Variants in PAM16 observed in about 807,000 individuals in gnomAD.
The protein encoded by PAM16 is presequence translocase associated motor 16, also known as mitochondrial import inner membrane translocase subunit TIM16.
PAM16 carries 11 observed loss-of-function variants against 17.9 expected under a neutral mutation model. The observed-to-expected ratio is 0.62, with a 90% CI of 0.39 to 1.02. The LOEUF (loss-of-function observed/expected upper bound fraction) is 1.02. Ranked by LOEUF, PAM16 falls within the 50% of genes least tolerant of loss-of-function variation. The probability of loss-of-function intolerance (pLI) is 0.01; values close to 1 mark genes in which losing one functional copy is unlikely to be tolerated. For synonymous variants in PAM16, 72 were observed against 67.4 expected (o/e 1.07, Z -0.34); for missense variants, 199 against 165.4 (o/e 1.20, Z -1.11).
chr16:4,347,074 A>G (rs1322530703), intron 1 of PAM16: 1 of 152,164 alleles, frequency 6.6e-6, no homozygotes, highest in East Asian at 1.9e-4. Flanking sequence ...CAGTGGTGCA[A>G]TCATGGCTCA....
At chr16:4,344,498 G>C in intron 1 of PAM16, among the ~76,000 whole-genome samples, 1 of 135,884 alleles carries the variant, frequency 7.4e-6, no homozygotes, top group African/African-American at 2.7e-5. Flanking sequence ...AGGGGGTTCT[G>C]TGAGAGGAGG....
chr16:4,341,007 T>A, intron 3 of PAM16, 22 bp from the exon 4 acceptor site: 1 of 1,612,482 alleles, frequency 6.2e-7, no homozygotes, highest in Non-Finnish European at 8.5e-7. Context: ...AGGGGACGGG[T>A]GAGAGGGCTG....
Position 4,343,075 on chromosome 16 carries a change from A to AC in PAM16, c.88+131dup, listed in dbSNP as rs1334116490. On this transcript the variant is annotated intron_variant, in intron 2 of 4. Transcript: ENST00000318059. ...CTGAAGAATGCCCCGGTCTGGCATC[A>AC]CCCCCCACCATGGGAAGTGCCTCAG... is the stretch of plus-strand genomic sequence containing the variant. The AC allele has an allele frequency of 6.7e-6, 8 of 1,199,464 alleles. No homozygotes were observed. In the East Asian group the frequency reaches 2.0e-4, roughly 30 times the overall value. 74.3% of individuals were successfully genotyped at this position (1,199,464 alleles called of 1,614,324 possible). A position where few individuals can be genotyped will look rare whatever the true frequency, so the allele number is the denominator to read the frequency against.
intron 1 of PAM16, among the ~76,000 whole-genome samples, chr16:4,350,518 A>G (rs979077030): frequency 4.6e-5 from 7 of 151,748 alleles, no homozygotes; most frequent in Admixed American, 4.6e-4. Flanking sequence ...GTCCTGCCTC[A>G]GCCTCCCGGG....
chr16:4,351,120 G>T, intron 1 of PAM16, 112 bp downstream of exon 1: 1 of 506,016 alleles, frequency 2.0e-6, no homozygotes, highest in Non-Finnish European at 3.0e-6. Context: ...TTCCCGCCGG[G>T]CACGCAGGGG....
At chr16:4,340,822 A>C in intron 4 of PAM16, 98 bp downstream of exon 4, 1 of 1,468,362 alleles carries the variant, frequency 6.8e-7, no homozygotes, top group South Asian at 1.1e-5. Context: ...CTGTGTGCCA[A>C]GCCCTTAGCT....
At chr16:4,346,136 G>C (rs193171388) in intron 1 of PAM16, 116 of 211,010 alleles carry the variant, frequency 5.5e-4, no homozygotes, top group African/African-American at 2.6e-3. Context: ...GCAGGGCAGA[G>C]GGGGGCTGGC....
intron 1 of PAM16, among the ~76,000 whole-genome samples, chr16:4,349,002 C>T (rs189146832): frequency 1.4e-3 from 200 of 144,864 alleles, no homozygotes; most frequent in Non-Finnish European, 2.0e-3. Flanking sequence ...TCACCCAGGC[C>T]GGAGTGCAGT....
Position 4,340,913 on chromosome 16 carries a change from C to T in PAM16, c.291+7G>A. 6.2e-7 allele frequency: 1 copy of T among 1,612,954 alleles called. No individual in the cohort carries two copies. The highest frequency in any genetic ancestry group is 8.5e-7 in the Non-Finnish European group (1 of 1,179,682). On this transcript the variant is annotated splice_region_variant and intron_variant, in intron 4 of 4. Transcript: ENST00000318059. The stretch of plus-strand genomic sequence containing the variant: ...CTTCATTCCTCCCAGAATCAAAGAC[C>T]ACTCACCTTTGACTGCAGGTAGAAG...
chr16:4,344,384 TTC>T lies in PAM16; in HGVS notation c.4-1095_4-1094del, dbSNP rs143330123. On this transcript the variant is annotated intron_variant, in intron 1 of 4. Transcript: ENST00000318059. The stretch of plus-strand genomic sequence containing the variant: ...GGGGGTTCTGTGTGAGAGGAGGGGG[TTC>T]TGTGTGAGAGGAGGGGGTTCTGTGA... Among the ~76,000 whole-genome samples, 2 of 682 alleles carry T rather than the reference TTC, an allele frequency of 2.9e-3. 1 individual carries two copies. The highest frequency in any genetic ancestry group is 5.2e-3 in the Non-Finnish European group (2 of 386). 0.4% of individuals were successfully genotyped at this position (682 alleles called of 152,430 possible).
At chr16:4,347,068 G>A (rs1054030362) in intron 1 of PAM16, 1 of 152,128 alleles carries the variant, frequency 6.6e-6, no homozygotes, top group Non-Finnish European at 1.5e-5. Context: ...GGAGTGCAGT[G>A]GTGCAATCAT....
At position 4,351,219 on chromosome 16, in the gene PAM16, A is replaced by G. The variant is rs2053854018; in HGVS notation, c.3+13T>C. 1.4e-6 allele frequency: 2 copies of G among 1,432,832 alleles called. No homozygotes were observed. 88.8% of individuals were successfully genotyped at this position (1,432,832 alleles called of 1,614,324 possible). ...GGCTTCCCCTCCCCGGTAGCGCCCG[A>G]CTCGGGGCTCACCATGGCAGCCGCT... is the stretch of plus-strand genomic sequence containing the variant. On this transcript the variant is annotated intron_variant, in intron 1 of 4. Coordinates refer to ENST00000318059, the MANE Select transcript of PAM16 (RefSeq NM_016069.11).
intron 1 of PAM16, among the ~76,000 whole-genome samples, chr16:4,346,266 G>A (rs1433775942): frequency 2.0e-5 from 3 of 152,182 alleles, no homozygotes; most frequent in Non-Finnish European, 4.4e-5. Flanking sequence ...GATCACCTGT[G>A]TGCAAAAATC....
chr16:4,350,419 T>G (rs977867483), intron 1 of PAM16, among the ~76,000 whole-genome samples: 9 of 151,544 alleles, frequency 5.9e-5, no homozygotes, highest in African/African-American at 1.9e-4. Context: ...ATTTTTTTTT[T>G]GAGACGCAGT....
rs145283627 is a variant in PAM16 at position 4,346,308 on chromosome 16, C to T, written c.4-3017G>A. ...ATCTGACATAGACACGTTCTCAACT[C>T]CTTTGAGCAACCCAGTTTGCTTACC... On this transcript the variant is annotated intron_variant, in intron 1 of 4. Transcript: ENST00000318059. Among the ~76,000 whole-genome samples the T allele has an allele frequency of 9.1e-4, 138 of 152,340 alleles. 2 individuals carry two copies. In the Middle Eastern group the frequency reaches 0.01, roughly 11 times the overall value.
chr16:4,348,212 A>G (rs1003135124), intron 1 of PAM16: 1 of 152,244 alleles, frequency 6.6e-6, no homozygotes, highest in Admixed American at 6.5e-5. Flanking sequence ...TGGCGCAGTA[A>G]GTGCCCCTGG....
intron 1 of PAM16, 90 bp downstream of exon 1, chr16:4,351,122 ACGCAGGGGGCGCACGGCGCC>A (rs1395498463): frequency 1.9e-6 from 1 of 515,962 alleles, no homozygotes; most frequent in African/African-American, 2.0e-5. Context: ...CCCGCCGGGC[ACGCAGGGGGCGCACGGCGCC>A]CGCCGCCCAG....
chr16:4,347,603 C>G (rs189845222), intron 1 of PAM16: 2 of 152,420 alleles, frequency 1.3e-5, no homozygotes, highest in Non-Finnish European at 2.9e-5. Flanking sequence ...TCCAGTACCC[C>G]AACATCCCCT....
chr16:4,344,094 C>A, intron 1 of PAM16: 1 of 397,486 alleles, frequency 2.5e-6, no homozygotes, highest in Non-Finnish European at 4.4e-6. Flanking sequence ...ACGTGTGATT[C>A]CATGCCCCGC....
Sources: gnomAD v4.1 joint callset for allele counts (sites outside exome capture counted in the v4.1 genomes callset) on GRCh38, gnomAD v4.1.1 for gene constraint, MANE v1.5 for transcripts, NCBI Gene and HGNC (gene_info 2026-07-23, HGNC 2026-07-21) for gene names.